The following ERICH1 variants were observed in gnomAD, a reference collection of about 807,000 sequenced individuals.
The protein encoded by ERICH1 is glutamate-rich protein 1.
A neutral mutation model predicts 39.6 loss-of-function variants in ERICH1; 56 were observed. That is an observed-to-expected ratio of 1.41 (90% CI 1.14 to 1.77). The LOEUF (loss-of-function observed/expected upper bound fraction) is 1.77. Among genes scored for constraint, ERICH1 ranks in the 40% most tolerant of loss-of-function variants. The probability of loss-of-function intolerance (pLI) is 0.00; values close to 1 mark genes in which losing one functional copy is unlikely to be tolerated. For synonymous variants in ERICH1, 313 were observed against 223.6 expected, an observed-to-expected ratio of 1.40 and a Z score of -3.57; for missense variants, 826 against 575.4, an observed-to-expected ratio of 1.44 and a Z score of -4.45.
In ERICH1 at chr8:696,589, T is replaced by A. The variant is rs111162121; in HGVS notation, c.170-3977A>T. Among the ~76,000 whole-genome samples, 93 of 51,146 alleles carry A rather than the reference T, an allele frequency of 1.8e-3. 15 individuals are homozygous for A. The highest frequency in any genetic ancestry group is 0.012 in the African/African-American group (87 of 7,508). 33.6% of individuals were successfully genotyped at this position (51,146 alleles called of 152,430 possible). A position where few individuals can be genotyped will look rare whatever the true frequency, so the allele number is the denominator to read the frequency against. On this transcript the variant is annotated intron_variant, in intron 2 of 5. Coordinates refer to ENST00000262109, the MANE Select transcript of ERICH1 (RefSeq NM_207332.3). ...CCCATCAGCCTGTACTCGCTCCTCT[T>A]ACCCTCCACTCCTTCCTCCCCATCA...
intron 3 of ERICH1, among the ~76,000 whole-genome samples, chr8:684,409 C>T (rs1301876702): frequency 1.3e-5 from 2 of 151,988 alleles, no homozygotes; most frequent in African/African-American, 4.8e-5. Context: ...AATGTATCCA[C>T]AAAAAAATGT....
At chr8:636,925 G>T (rs989316019) in intron 3 of ERICH1, among the ~76,000 whole-genome samples, 1 of 152,198 alleles carries the variant, frequency 6.6e-6, no homozygotes, top group South Asian at 2.1e-4. Flanking sequence ...GGTTGGTTCA[G>T]GACTTCCTTC....
At chr8:698,680 A>T (rs1810939927) in intron 2 of ERICH1, among the ~76,000 whole-genome samples, 1 of 152,044 alleles carries the variant, frequency 6.6e-6, no homozygotes, top group South Asian at 2.1e-4. Flanking sequence ...CAATGATGCG[A>T]TCATGGCTCA....
At chr8:683,243 G>A (rs1439450687) in intron 3 of ERICH1, among the ~76,000 whole-genome samples, 1 of 152,148 alleles carries the variant, frequency 6.6e-6, no homozygotes, top group African/African-American at 2.4e-5. Context: ...CCATGTAGAA[G>A]ACCTGCCACA....
chr8:679,162 TCCCACCCCTCACAGCA>T (rs1489131976), intron 3 of ERICH1, among the ~76,000 whole-genome samples: 4 of 108,638 alleles, frequency 3.7e-5, no homozygotes, highest in South Asian at 6.6e-4. Flanking sequence ...CCCTCACAGC[TCCCACCCCTCACAGCA>T]CCCACCCCTC....
At chr8:697,042 A>C (rs1165683572) in intron 2 of ERICH1, among the ~76,000 whole-genome samples, 1 of 152,086 alleles carries the variant, frequency 6.6e-6, no homozygotes, top group Non-Finnish European at 1.5e-5. Context: ...TCCTGTCCTC[A>C]GGGTGACTTC....
intron 3 of ERICH1, among the ~76,000 whole-genome samples, chr8:631,619 TTTTG>T (rs1166453051): frequency 3.3e-5 from 5 of 152,162 alleles, no homozygotes; most frequent in Non-Finnish European, 5.9e-5. Flanking sequence ...GCCGAGAGTT[TTTTG>T]TTTGTTTGTT....
intron 3 of ERICH1, chr8:690,901 T>G (rs917866302): frequency 6.6e-6 from 1 of 152,344 alleles, no homozygotes; most frequent in Non-Finnish European, 1.5e-5. Flanking sequence ...TTCTCACCTC[T>G]GTGCTTAAAA....
At chr8:700,180 GGCCCGCACAC>G (rs1563297786) in intron 2 of ERICH1, among the ~76,000 whole-genome samples, 112 of 85,448 alleles carry the variant, frequency 1.3e-3, no homozygotes, top group Non-Finnish European at 1.9e-3. Flanking sequence ...GGCCCGCACA[GGCCCGCACAC>G]GCGCACAGGC....
At chr8:699,318 C>T (rs1164297756) in intron 2 of ERICH1, among the ~76,000 whole-genome samples, 1 of 152,286 alleles carries the variant, frequency 6.6e-6, no homozygotes, top group South Asian at 2.1e-4. Context: ...GAGGGCTGGA[C>T]AGAAGAGTGG....
intron 2 of ERICH1, among the ~76,000 whole-genome samples, chr8:702,432 G>T (rs1473937737): frequency 6.6e-6 from 1 of 152,098 alleles, no homozygotes; most frequent in Non-Finnish European, 1.5e-5. Flanking sequence ...CACCTCTCTA[G>T]GCACACACCC....
At chr8:625,687 G>A (rs897874740) in intron 3 of ERICH1, 3 of 152,218 alleles carry the variant, frequency 2.0e-5, no homozygotes, top group African/African-American at 7.2e-5. Flanking sequence ...ATCTTCTTTA[G>A]ACAGAAATGT....
intron 3 of ERICH1, among the ~76,000 whole-genome samples, chr8:680,795 CAG>C (rs1805947765): frequency 1.3e-5 from 2 of 152,228 alleles, no homozygotes; most frequent in Non-Finnish European, 2.9e-5. Flanking sequence ...AACATCCTGA[CAG>C]TGTGTGAGAG....
intron 5 of ERICH1, among the ~76,000 whole-genome samples, chr8:665,565 C>G (rs1802079895): frequency 6.6e-6 from 1 of 152,202 alleles, no homozygotes; most frequent in South Asian, 2.1e-4. Context: ...CCCCAACAGT[C>G]AGGATGATAA....
At chr8:698,464 C>G (rs1164166951) in intron 2 of ERICH1, among the ~76,000 whole-genome samples, 41 of 152,236 alleles carry the variant, frequency 2.7e-4, no homozygotes, top group Non-Finnish European at 2.2e-4. Context: ...AGTGATCCTC[C>G]TGCCTCGGCC....
At chr8:663,209 G>A (rs1246630749), downstream of ERICH1, among the ~76,000 whole-genome samples, 1 of 152,246 alleles carries the variant, frequency 6.6e-6, no homozygotes, top group Non-Finnish European at 1.5e-5. Flanking sequence ...GGAGGGAAGT[G>A]GCAGGACAGG....
chr8:693,351 T>C (rs563448370), intron 2 of ERICH1, among the ~76,000 whole-genome samples: 1 of 152,366 alleles, frequency 6.6e-6, no homozygotes, highest in Non-Finnish European at 1.5e-5. Context: ...TAAAATATAA[T>C]TGAGTGAATA....
chr8:700,334 CACGCGCACAGAT>C (rs1811704786), intron 2 of ERICH1, among the ~76,000 whole-genome samples: 1 of 79,852 alleles, frequency 1.3e-5, no homozygotes, highest in Non-Finnish European at 3.3e-5. Context: ...CAGGCCCGCA[CACGCGCACAGAT>C]CCGCACACGC....
In ERICH1 at chr8:685,814, G is replaced by A. The variant is rs550622895; in HGVS notation, c.304+6664C>T. On this transcript the variant is annotated intron_variant, in intron 3 of 5. Transcript: ENST00000262109. Reference sequence around the variant, plus strand: ...GACTTTCAGCCATCTTTCTATTCCTGAGAGTCTCTTCAGCTTTGGGCAATT... The same window carrying A: ...GACTTTCAGCCATCTTTCTATTCCTAAGAGTCTCTTCAGCTTTGGGCAATT... Among the ~76,000 whole-genome samples the A allele has an allele frequency of 1.2e-3, 186 of 152,026 alleles. 1 individual carries two copies. The highest frequency in any genetic ancestry group is 4.2e-3 in the African/African-American group (174 of 41,420).
Sources: allele counts gnomAD v4.1 joint callset (sites outside exome capture counted in the v4.1 genomes callset), GRCh38; gene constraint gnomAD v4.1.1; transcripts MANE v1.5; gene names NCBI Gene and HGNC (gene_info 2026-07-23, HGNC 2026-07-21).